Variants in NBPF15 observed in about 807,000 individuals in gnomAD.
NBPF15 encodes the protein NBPF family member NBPF15.
In NBPF15, 74 loss-of-function variants were observed where a neutral mutation model predicts 62.2. The observed-to-expected ratio is 1.19, with a 90% CI of 0.99 to 1.44. The LOEUF (loss-of-function observed/expected upper bound fraction) is 1.44. Among genes scored for constraint, NBPF15 ranks in the 40% most tolerant of loss-of-function variants. NBPF15 has a pLI of 0.00. For missense variants in NBPF15, 790 were observed against 550.0 expected, an observed-to-expected ratio of 1.44 and a Z score of -4.36; for synonymous variants, 244 against 209.7, an observed-to-expected ratio of 1.16 and a Z score of -1.41.
intron 13 of NBPF15, among the ~76,000 whole-genome samples, chr1:144,430,927 A>C (rs1553540114): frequency 6.6e-6 from 1 of 152,116 alleles, no homozygotes; most frequent in African/African-American, 2.4e-5. Flanking sequence ...TACGTGGTGC[A>C]TGCACAAGCT....
chr1:144,424,466 T>A (rs1430640039), intron 20 of NBPF15, among the ~76,000 whole-genome samples: 2 of 151,958 alleles, frequency 1.3e-5, no homozygotes, highest in African/African-American at 4.8e-5. Flanking sequence ...AGAATCAGAG[T>A]GCCACAGGCA....
rs143217235 is a variant in NBPF15, at chr1:144,461,400, G to C, written c.-957C>G. 6.6e-6 allele frequency: 1 copy of C among 151,808 alleles called. No individual in the cohort carries two copies. Among genetic ancestry groups the C allele is most frequent in the Non-Finnish European group, 1.5e-5 (1 of 67,950 alleles). 9.4% of individuals were successfully genotyped at this position (151,808 alleles called of 1,614,324 possible). A position where few individuals can be genotyped will look rare whatever the true frequency, so the allele number is the denominator to read the frequency against. The stretch of plus-strand genomic sequence containing the variant: ...ACTCACCGCCCGCCCGGCCTGGCGC[G>C]GCGCCTTCACCTCGGAAACGCTGGG... On this transcript the variant is annotated 5_prime_UTR_variant, in exon 1 of 22. Transcript: ENST00000581897.
Position 144,422,945 on chromosome 1 carries a change from A to T in NBPF15, c.*68T>A. 17 of 1,611,546 alleles carry T rather than the reference A, an allele frequency of 1.1e-5. No individual in the cohort carries two copies. In the South Asian group the frequency reaches 1.4e-4, roughly 14 times the overall value. ...GGCTTCCAAATGGAACTGTACTTTC[A>T]TTCAAATCTTCTCGTGCCTATAGGT... On this transcript the variant is annotated 3_prime_UTR_variant, in exon 22 of 22. Transcript: ENST00000581897.
intron 19 of NBPF15, among the ~76,000 whole-genome samples, chr1:144,425,099 C>CAG (rs1668752794): frequency 6.8e-6 from 1 of 146,732 alleles, no homozygotes; most frequent in African/African-American, 2.6e-5. Flanking sequence ...CACACACACA[C>CAG]ACACAGACAC....
chr1:144,423,104 C>G lies in NBPF15; in HGVS notation c.1922G>C (p.Ser641Thr), dbSNP rs1283188961. Residue 641 changes from serine (S) to threonine (T), a missense_variant, in exon 22 of 22, where the codon AGC becomes ACC. By Grantham distance (58) the Ser-to-Thr change is moderately conservative. Coordinates refer to ENST00000581897, the MANE Select transcript of NBPF15 (RefSeq NM_001385408.1). Reference sequence around the variant, plus strand: ...CCTATTGTCCACGTAAAGGGCGAAGCTGATATGCTCTTCCTCAAATGAGTA... The same window carrying G: ...CCTATTGTCCACGTAAAGGGCGAAGGTGATATGCTCTTCCTCAAATGAGTA... ...VFYSFEEEHI[S>T]FALYVDNRFF... The G allele has an allele frequency of 4.3e-6, 7 of 1,611,506 alleles. No homozygotes were observed. In the South Asian group the frequency reaches 4.4e-5, roughly 10 times the overall value.
At chr1:144,449,574 C>T (rs1446973152) in intron 5 of NBPF15, among the ~76,000 whole-genome samples, 18 of 151,932 alleles carry the variant, frequency 1.2e-4, no homozygotes, top group Admixed American at 2.6e-4. Flanking sequence ...AGGAGCCATA[C>T]GCAAAAGAGT....
intron 20 of NBPF15, 123 bp downstream of exon 20, chr1:144,424,567 G>C (rs1347149551): frequency 6.3e-6 from 4 of 639,678 alleles, no homozygotes; most frequent in African/African-American, 5.5e-5. Flanking sequence ...ACCTACATGT[G>C]CCTATAGGTC....
chr1:144,434,656 T>G (rs1676888578), intron 12 of NBPF15, among the ~76,000 whole-genome samples: 1 of 151,456 alleles, frequency 6.6e-6, no homozygotes, highest in South Asian at 2.1e-4. Context: ...AGGGTGACTG[T>G]GCAGCTAAGC....
intron 6 of NBPF15, among the ~76,000 whole-genome samples, chr1:144,444,863 T>C (rs79976120): frequency 1.3e-5 from 2 of 151,986 alleles, no homozygotes; most frequent in Non-Finnish European, 2.9e-5. Context: ...ATACAGATCA[T>C]TGTGCAGACA....
intron 6 of NBPF15, among the ~76,000 whole-genome samples, chr1:144,444,518 A>G (rs1273470597): frequency 1.3e-5 from 2 of 151,708 alleles, no homozygotes; most frequent in Non-Finnish European, 2.9e-5. Context: ...AGGAGACAAG[A>G]TAAGGGCCCC....
At position 144,423,941 on chromosome 1, in the gene NBPF15, C is replaced by A. The variant is rs1447411692; in HGVS notation, c.1698G>T (p.Arg566Ser). The change falls in exon 21 of 22, where the codon AGG becomes AGT. Residue 566 changes from arginine to serine, a missense_variant. Arg to Ser is a moderately radical substitution (Grantham distance 110). Coordinates refer to ENST00000581897, the MANE Select transcript of NBPF15 (RefSeq NM_001385408.1). ...TTCTTTTCTTCTTTGATCTTCTTCC[C>A]CTTCTTTTCTTCCCCTTCCCCTTCT... Reference protein sequence around the residue: ...IEKKGKGKKRRGRRSKKKRRR... With the variant: ...IEKKGKGKKRSGRRSKKKRRR... The A allele has an allele frequency of 1.0e-5, 8 of 783,778 alleles. No homozygotes were observed. Among genetic ancestry groups the A allele is most frequent in the South Asian group, 1.3e-5 (1 of 74,862 alleles). 48.6% of individuals were successfully genotyped at this position (783,778 alleles called of 1,614,324 possible).
intron 4 of NBPF15, among the ~76,000 whole-genome samples, chr1:144,455,962 G>T (rs1553546852): frequency 1.3e-5 from 2 of 152,140 alleles, no homozygotes; most frequent in East Asian, 1.9e-4. Flanking sequence ...AGTCCTACAG[G>T]ATTCTGGAAT....
intron 12 of NBPF15, among the ~76,000 whole-genome samples, chr1:144,434,847 G>T (rs1353758435): frequency 1.3e-5 from 2 of 151,960 alleles, no homozygotes; most frequent in Non-Finnish European, 2.9e-5. Context: ...AAGCTAGGAG[G>T]CCTGACAGAT....
At chr1:144,459,975 T>C (rs1619926) in intron 2 of NBPF15, among the ~76,000 whole-genome samples, 108 of 150,042 alleles carry the variant, frequency 7.2e-4, no homozygotes, top group African/African-American at 1.4e-3. Flanking sequence ...TCTAGTAATG[T>C]TCTATTTCTT....
intron 6 of NBPF15, among the ~76,000 whole-genome samples, chr1:144,445,102 C>T (rs1295751671): frequency 4.0e-5 from 6 of 151,186 alleles, no homozygotes; most frequent in Non-Finnish European, 5.9e-5. Context: ...GATTGATCTC[C>T]CTGATGACTA....
At chr1:144,435,414 G>C in intron 11 of NBPF15, 98 bp from the exon 12 acceptor site, 2 of 1,458,684 alleles carry the variant, frequency 1.4e-6, no homozygotes, top group African/African-American at 1.4e-5. Flanking sequence ...CATTAAGAGA[G>C]TGGTCCCAGA....
chr1:144,431,475 G>A (rs1553540208), intron 13 of NBPF15, among the ~76,000 whole-genome samples: 1 of 147,706 alleles, frequency 6.8e-6, no homozygotes, highest in African/African-American at 2.5e-5. Flanking sequence ...TTGTGTGTAT[G>A]TATATATATA....
At chr1:144,438,873 T>A (rs1680716674) in intron 8 of NBPF15, among the ~76,000 whole-genome samples, 1 of 151,942 alleles carries the variant, frequency 6.6e-6, no homozygotes, top group African/African-American at 2.4e-5. Flanking sequence ...TCTCCACACA[T>A]TCTCGGATGC....
chr1:144,441,856 A>T (rs1553542716), intron 6 of NBPF15, among the ~76,000 whole-genome samples: 1 of 149,644 alleles, frequency 6.7e-6, no homozygotes, highest in Non-Finnish European at 1.5e-5. Flanking sequence ...TGTTTTACTT[A>T]AAAGTCTTTC....
Sources: gnomAD v4.1 joint callset for allele counts (sites outside exome capture counted in the v4.1 genomes callset) on GRCh38, gnomAD v4.1.1 for gene constraint, MANE v1.5 for transcripts, NCBI Gene and HGNC (gene_info 2026-07-23, HGNC 2026-07-21) for gene names.